ANXA8: variants seen among roughly 807,000 people sequenced by gnomAD.
ANXA8 encodes annexin A8.
Under a neutral mutation model 26.8 loss-of-function variants are expected in ANXA8, and 9 were observed. That is an observed-to-expected ratio of 0.34 (90% CI 0.20 to 0.59). The LOEUF is 0.59. Among genes scored for constraint, ANXA8 ranks in the 20% least tolerant of loss-of-function variants. ANXA8 has a pLI of 0.84. For synonymous variants in ANXA8, 39 were observed against 94.8 expected (o/e 0.41, Z 3.42); for missense variants, 83 against 238.5 (o/e 0.35, Z 4.29).
At chr10:47,557,024 T>G in the ANXA8 span, among the ~76,000 whole-genome samples, 1 of 118,360 alleles carries the variant, frequency 8.4e-6, no homozygotes, top group Non-Finnish European at 1.8e-5. Flanking sequence ...TTTTTTTTTT[T>G]GAGATGGAGT....
the ANXA8 span, among the ~76,000 whole-genome samples, chr10:47,584,205 G>A: frequency 2.0e-5 from 3 of 149,560 alleles, no homozygotes; most frequent in African/African-American, 5.1e-5. Context: ...GTAGGAAAAC[G>A]CACCCTCAAA....
At chr10:47,659,503 C>T in the ANXA8 span, among the ~76,000 whole-genome samples, 1 of 151,204 alleles carries the variant, frequency 6.6e-6, no homozygotes, top group African/African-American at 2.5e-5. Context: ...ATGGAGAAAC[C>T]CTGTCTCTAC....
intron 7 of ANXA8, 131 bp downstream of exon 7, chr10:47,474,814 A>T (rs1839459284): frequency 2.6e-6 from 3 of 1,173,016 alleles, no homozygotes; most frequent in Non-Finnish European, 3.5e-6. Flanking sequence ...CAGACACCAC[A>T]GGACAAAGGC....
At chr10:47,594,263 A>T in the ANXA8 span, among the ~76,000 whole-genome samples, 1 of 149,122 alleles carries the variant, frequency 6.7e-6, no homozygotes, top group East Asian at 1.9e-4. Flanking sequence ...AACTCTGACT[A>T]ATACAAACCC....
At chr10:47,469,709 AT>A (rs1421844806) in intron 11 of ANXA8, among the ~76,000 whole-genome samples, 1 of 151,216 alleles carries the variant, frequency 6.6e-6, no homozygotes, top group Non-Finnish European at 1.5e-5. Flanking sequence ...AGGGGAGTGA[AT>A]TCATTCACAA....
At chr10:47,969,640 C>T in the ANXA8 span, among the ~76,000 whole-genome samples, 8 of 146,594 alleles carry the variant, frequency 5.5e-5, no homozygotes, top group Middle Eastern at 3.2e-3. Context: ...TCCCTTCCAC[C>T]GAAGGGCCCC....
At chr10:47,683,983 A>G in the ANXA8 span, among the ~76,000 whole-genome samples, 30 of 150,980 alleles carry the variant, frequency 2.0e-4, no homozygotes, top group East Asian at 2.0e-4. Context: ...TGCTGATACA[A>G]TTCATCCTGT....
the ANXA8 span, chr10:47,491,718 C>G: frequency 6.5e-7 from 1 of 1,544,308 alleles, no homozygotes; most frequent in Non-Finnish European, 8.7e-7. Flanking sequence ...TGAGGACTGG[C>G]CCAACATGCT....
the ANXA8 span, among the ~76,000 whole-genome samples, chr10:47,560,039 AAC>A: frequency 1.3e-5 from 2 of 150,790 alleles, no homozygotes; most frequent in East Asian, 4.0e-4. Context: ...CATCCAGCGG[AAC>A]ATGTCTCTTG....
the ANXA8 span, among the ~76,000 whole-genome samples, chr10:47,684,879 C>T: frequency 6.7e-6 from 1 of 149,770 alleles, no homozygotes; most frequent in African/African-American, 2.5e-5. Context: ...AGCCACCGCG[C>T]CCAGCCTGCG....
At position 47,475,580 on chromosome 10, in the gene ANXA8, GA is replaced by G; in HGVS notation, c.413-9del. 1 of 1,580,050 alleles carries G rather than the reference GA, an allele frequency of 6.3e-7. No individual in the cohort carries two copies. Among genetic ancestry groups the G allele is most frequent in the Non-Finnish European group, 8.6e-7 (1 of 1,156,490 alleles). ...CCAGGCTGGACCCATAGTCTGCAGG[GA>G]AACAGGACCATGAGGCACAAGCAGA... On this transcript the variant is annotated splice_polypyrimidine_tract_variant and intron_variant, in intron 5 of 11. Coordinates refer to ENST00000585281, the MANE Select transcript of ANXA8 (RefSeq NM_001040084.3).
chr10:47,644,472 A>G, the ANXA8 span, among the ~76,000 whole-genome samples: 2 of 152,068 alleles, frequency 1.3e-5, no homozygotes, highest in African/African-American at 2.4e-5. Flanking sequence ...TCCATGCTGC[A>G]ATAAAATTTA....
the ANXA8 span, chr10:47,496,128 T>G: frequency 6.6e-6 from 1 of 151,486 alleles, no homozygotes; most frequent in African/African-American, 2.4e-5. Flanking sequence ...GGCTGACGCT[T>G]CTGTGCAGGA....
At chr10:47,703,264 GA>G in the ANXA8 span, among the ~76,000 whole-genome samples, 7 of 149,850 alleles carry the variant, frequency 4.7e-5, no homozygotes, top group African/African-American at 7.3e-5. Flanking sequence ...TGAGAGAAAA[GA>G]AAAAAAAATA....
the ANXA8 span, among the ~76,000 whole-genome samples, chr10:47,625,654 A>AG: frequency 2.4e-4 from 37 of 152,262 alleles, no homozygotes; most frequent in African/African-American, 8.7e-4. Flanking sequence ...GTTTCAACTG[A>AG]GCATCAGGTA....
chr10:47,676,763 C>T, the ANXA8 span, among the ~76,000 whole-genome samples: 10 of 150,256 alleles, frequency 6.7e-5, no homozygotes, highest in South Asian at 2.1e-3. Context: ...ACTAAAAATA[C>T]AAAAATTAGC....
At chr10:47,674,285 C>A in the ANXA8 span, among the ~76,000 whole-genome samples, 1 of 150,908 alleles carries the variant, frequency 6.6e-6, no homozygotes, top group African/African-American at 2.5e-5. Context: ...ATGCATGCCA[C>A]CACACCTGGC....
the ANXA8 span, among the ~76,000 whole-genome samples, chr10:47,741,270 G>T: frequency 3.0e-5 from 2 of 66,830 alleles, no homozygotes; most frequent in African/African-American, 1.1e-4. Context: ...AAAGCATTTT[G>T]TTCAGCAGTA....
chr10:47,493,482 C>A, the ANXA8 span, among the ~76,000 whole-genome samples: 5 of 143,626 alleles, frequency 3.5e-5, no homozygotes, highest in Non-Finnish European at 6.1e-5. Context: ...TGTGTCCCCC[C>A]ACTCACACAA....
Sources: gnomAD v4.1 joint callset for allele counts (sites outside exome capture counted in the v4.1 genomes callset) on GRCh38, gnomAD v4.1.1 for gene constraint, MANE v1.5 for transcripts, NCBI Gene and HGNC (gene_info 2026-07-23, HGNC 2026-07-21) for gene names.